Variants in NOBOX observed in about 807,000 individuals in gnomAD.
NOBOX encodes the protein homeobox protein NOBOX.
A neutral mutation model predicts 60.2 loss-of-function variants in NOBOX; 46 were observed. The observed-to-expected ratio is 0.76, with a 90% CI of 0.60 to 0.98. The LOEUF (loss-of-function observed/expected upper bound fraction) is 0.98. Among genes scored for constraint, NOBOX ranks in the 50% least tolerant of loss-of-function variants. NOBOX has a pLI of 0.00. For missense variants in NOBOX, 880 were observed against 865.5 expected (o/e 1.02, Z -0.21); for synonymous variants, 360 against 346.3 (o/e 1.04, Z -0.44).
chr7:144,399,227 C>A (rs754257755), intron 7 of NOBOX, 49 bp from the exon 6 acceptor site: 1 of 1,028,144 alleles, frequency 9.7e-7, no homozygotes, highest in Non-Finnish European at 1.5e-6. Flanking sequence ...AAATGGGAGG[C>A]AGGTTTGGCA....
In NOBOX at chr7:144,399,773, C is replaced by CAGGGCCA; in HGVS notation, c.1131_1137dup (p.Ala380TrpfsTer12). On this transcript the variant is annotated frameshift_variant, in exon 6 of 10. Transcript: ENST00000467773. LOFTEE classifies it high-confidence loss of function. ...AATTCTGACCTGCATTGACTGCTGG[C>CAGGGCCA]AGGGCCAGGGGCTGCAGGATTGTCC... 6.2e-7 allele frequency: 1 copy of CAGGGCCA among 1,611,918 alleles called. No individual in the cohort carries two copies. The highest frequency in any genetic ancestry group is 1.3e-5 in the African/African-American group (1 of 75,044).
chr7:144,402,338 T>C (rs2053947581), intron 2 of NOBOX, among the ~76,000 whole-genome samples: 1 of 152,154 alleles, frequency 6.6e-6, no homozygotes, highest in Non-Finnish European at 1.5e-5. Flanking sequence ...CCTTCCTTTC[T>C]GTGAGCTGAC....
rs375181430 is a variant in NOBOX at position 144,404,552 on chromosome 7, G to C, written c.210+4C>G. On this transcript the variant is annotated splice_donor_region_variant and intron_variant, in intron 2 of 9. Coordinates refer to ENST00000467773, the MANE Select transcript of NOBOX (RefSeq NM_001080413.3). The stretch of plus-strand genomic sequence containing the variant: ...GCGTGAGCCACAGCGCTCGCCCCCC[G>C]TACTGATTTGAGGGTCTCCAGAGCA... 4 of 1,612,060 alleles carry C rather than the reference G, an allele frequency of 2.5e-6. No individual in the cohort carries two copies. The African/African-American group carries it at 4.0e-5, about 16-fold the overall frequency.
chr7:144,408,490 T>G (rs1309622431), intron 1 of NOBOX, among the ~76,000 whole-genome samples: 1 of 152,246 alleles, frequency 6.6e-6, no homozygotes, highest in Non-Finnish European at 1.5e-5. Context: ...CCCGGTGCTT[T>G]CTTCTTGCTT....
In NOBOX at chr7:144,398,454, C is replaced by G. The variant is rs2053909610; in HGVS notation, c.1602G>C (p.Lys534Asn). The G allele has an allele frequency of 1.3e-6, 2 of 1,537,228 alleles. No individual in the cohort carries two copies. The highest frequency in any genetic ancestry group is 1.7e-6 in the Non-Finnish European group (2 of 1,146,926). The change falls in exon 9 of 10, where the codon AAG (lysine) becomes AAC (asparagine). Residue 534 changes from lysine (K) to asparagine (N), a missense_variant. Lys to Asn is a moderately conservative substitution (Grantham distance 94, BLOSUM62 0). Coordinates refer to ENST00000467773, the MANE Select transcript of NOBOX (RefSeq NM_001080413.3). ...AGGGGAAAGTGGGGAGGTAGGGCAA[C>G]TTGGGCTGAGGGGACTGGAAAAGCG...
chr7:144,398,937 G>A lies in NOBOX; in HGVS notation c.1469+13C>T, dbSNP rs376169208. 218 of 1,468,496 alleles carry A rather than the reference G, an allele frequency of 1.5e-4. No individual in the cohort carries two copies. Among genetic ancestry groups the A allele is most frequent in the Non-Finnish European group, 1.7e-4 (184 of 1,070,668 alleles). 91.0% of individuals were successfully genotyped at this position (1,468,496 alleles called of 1,614,324 possible). A position where few individuals can be genotyped will look rare whatever the true frequency, so the allele number is the denominator to read the frequency against. On this transcript the variant is annotated intron_variant, in intron 8 of 9. Transcript: ENST00000467773. ...CAGATAACTAGAGTGACCTACCCCCGTAGGTTCCTTACCTTGTCCCCCAGG... is the reference window on the plus strand; with the variant it reads ...CAGATAACTAGAGTGACCTACCCCCATAGGTTCCTTACCTTGTCCCCCAGG...
chr7:144,407,112 T>C (rs573047531), intron 1 of NOBOX, among the ~76,000 whole-genome samples: 2 of 151,602 alleles, frequency 1.3e-5, no homozygotes, highest in African/African-American at 2.4e-5. Context: ...CTCACAGATA[T>C]GAGAATGCCA....
chr7:144,403,704 C>G lies in NOBOX; in HGVS notation c.210+852G>C, dbSNP rs1329858776. ...CTCTGTGGGTTCCATGGCCTGGACT[C>G]CCGCCGCCGCGGCCGGCCCGTGATG... On this transcript the variant is annotated intron_variant, in intron 2 of 9. Transcript: ENST00000467773. 2.9e-6 allele frequency: 2 copies of G among 700,610 alleles called. No individual in the cohort carries two copies. The highest frequency in any genetic ancestry group is 3.0e-5 in the South Asian group (2 of 67,558). 43.4% of individuals were successfully genotyped at this position (700,610 alleles called of 1,614,324 possible).
rs1314134274 is a variant in NOBOX, at chr7:144,406,689, A to C, written c.86-2009T>G. On this transcript the variant is annotated intron_variant, in intron 1 of 9. Coordinates refer to ENST00000467773, the MANE Select transcript of NOBOX (RefSeq NM_001080413.3). ...ATTGGCTGCAAGTGAATTTTATCTA[A>C]GATGTACATTGCATGGGAAAATGTC... Among the ~76,000 whole-genome samples the C allele has an allele frequency of 2.6e-5, 4 of 152,214 alleles. 1 individual carries two copies. In the East Asian group the frequency reaches 7.7e-4, roughly 29 times the overall value.
At position 144,401,285 on chromosome 7, in the gene NOBOX, G is replaced by T; in HGVS notation, c.605C>A (p.Ala202Asp). ...ATTAGGCTTTTTCTGCTTCCCGGGG[G>T]CTGGAGAATAGGACCTCTTTCCTAT... The change falls in exon 4 of 10, where the codon GCC (alanine) becomes GAC (aspartate). Residue 202 changes from alanine (A) to aspartate (D), a missense_variant. Ala to Asp is a moderately radical substitution (Grantham distance 126, BLOSUM62 -2). Transcript: ENST00000467773. This position sits in a 1 kb window ranked among gnomAD's most constrained non-coding sequence, Gnocchi z 4.2. The T allele has an allele frequency of 1.9e-6, 3 of 1,613,512 alleles. No individual in the cohort carries two copies. Among genetic ancestry groups the T allele is most frequent in the Non-Finnish European group, 1.7e-6 (2 of 1,179,688 alleles).
rs1587092700 is a variant in NOBOX, at chr7:144,401,702, T to C, written c.293-105A>G. ...TTGCAAACGGTTTGATCTTAAGCTT[T>C]AATTTGTCTACCTATCAAATGGGGT... On this transcript the variant is annotated intron_variant, in intron 3 of 9. Coordinates refer to ENST00000467773, the MANE Select transcript of NOBOX (RefSeq NM_001080413.3). The surrounding 1 kb of genome is among the most constrained non-coding windows in gnomAD (Gnocchi z 4.2). 8.4e-7 allele frequency: 1 copy of C among 1,192,560 alleles called. No homozygotes were observed. Among genetic ancestry groups the C allele is most frequent in the East Asian group, 2.4e-5 (1 of 41,458 alleles). The allele number at this position is 1,192,560 out of a possible 1,614,324, so 73.9% of individuals were successfully genotyped here. A position where few individuals can be genotyped will look rare whatever the true frequency, so the allele number is the denominator to read the frequency against.
intron 1 of NOBOX, among the ~76,000 whole-genome samples, chr7:144,409,609 C>T (rs1397929203): frequency 6.6e-6 from 1 of 152,202 alleles, no homozygotes; most frequent in Non-Finnish European, 1.5e-5. Context: ...TATTTTTCAA[C>T]TGTTGGAGCA....
intron 2 of NOBOX, among the ~76,000 whole-genome samples, chr7:144,403,971 A>G (rs1194392203): frequency 6.6e-6 from 1 of 151,814 alleles, no homozygotes; most frequent in Non-Finnish European, 1.5e-5. Context: ...GGTCTCCTTC[A>G]GGCGGCCCCT....
chr7:144,402,972 G>A (rs1475537459), intron 2 of NOBOX, among the ~76,000 whole-genome samples: 2 of 152,076 alleles, frequency 1.3e-5, no homozygotes, highest in African/African-American at 4.8e-5. Context: ...GGCCAGGCTG[G>A]TCTCCAACTC....
In NOBOX at chr7:144,401,568, C is replaced by T. The variant is rs568848981; in HGVS notation, c.322G>A (p.Ala108Thr). 2.0e-6 allele frequency: 3 copies of T among 1,509,190 alleles called. No individual in the cohort carries two copies. The highest frequency in any genetic ancestry group is 2.3e-5 in the East Asian group (1 of 44,082). The allele number at this position is 1,509,190 out of a possible 1,614,324, so 93.5% of individuals were successfully genotyped here. The change falls in exon 4 of 10, where the codon GCA becomes ACA. Residue 108 changes from alanine (A) to threonine (T), a missense_variant. By Grantham distance (58) the Ala-to-Thr change is moderately conservative. Coordinates refer to ENST00000467773, the MANE Select transcript of NOBOX (RefSeq NM_001080413.3). The surrounding 1 kb of genome is among the most constrained non-coding windows in gnomAD (Gnocchi z 4.2). ...AGCAGTTCCTCCTCCCCGGGTCCTGCAGCCAGGGGCTTCTCTCCAGCTTTC... is the reference window on the plus strand; with the variant it reads ...AGCAGTTCCTCCTCCCCGGGTCCTGTAGCCAGGGGCTTCTCTCCAGCTTTC...
chr7:144,406,684 A>T (rs2053987884), intron 1 of NOBOX, among the ~76,000 whole-genome samples: 2 of 152,206 alleles, frequency 1.3e-5, no homozygotes, highest in Admixed American at 1.3e-4. Context: ...AGTGAATTTT[A>T]TCTAAGATGT....
chr7:144,401,874 G>A lies in NOBOX; in HGVS notation c.287C>T (p.Thr96Ile), dbSNP rs532564579. ...CCTAATTTGGGGGTACTCACCCCTT[G>A]TGAGTTCCCTTTTCCCAGACACCAG... is the stretch of plus-strand genomic sequence containing the variant. Residue 96 changes from threonine (T) to isoleucine (I), a missense_variant, in exon 3 of 10, where the codon ACA becomes ATA. Transcript: ENST00000467773. The surrounding 1 kb of genome is among the most constrained non-coding windows in gnomAD (Gnocchi z 4.2). The A allele has an allele frequency of 5.6e-6, 9 of 1,603,030 alleles. No homozygotes were observed. The South Asian group carries it at 9.9e-5, about 18-fold the overall frequency.
chr7:144,399,580 C>T, intron 6 of NOBOX, 98 bp from the exon 5 acceptor site: 1 of 1,203,700 alleles, frequency 8.3e-7, no homozygotes, highest in Non-Finnish European at 1.2e-6. Flanking sequence ...AACTCTGCCT[C>T]CTACAGGGCA....
Position 144,404,601 on chromosome 7 carries a change from G to C in NOBOX, c.165C>G (p.Phe55Leu), listed in dbSNP as rs753974459. ...CACAAAGGCTGCACCGGATGATGAAGAAGGAGCTGAAAGAGCCACAGACTC... is the reference window on the plus strand; with the variant it reads ...CACAAAGGCTGCACCGGATGATGAACAAGGAGCTGAAAGAGCCACAGACTC... Residue 55 changes from phenylalanine (F) to leucine (L), a missense_variant, in exon 2 of 10, where the codon TTC becomes TTG. By Grantham distance (22) the Phe-to-Leu change is conservative (BLOSUM62 0). Coordinates refer to ENST00000467773, the MANE Select transcript of NOBOX (RefSeq NM_001080413.3). 1 of 1,613,842 alleles carries C rather than the reference G, an allele frequency of 6.2e-7. No individual in the cohort carries two copies. The highest frequency in any genetic ancestry group is 8.5e-7 in the Non-Finnish European group (1 of 1,179,876).
Sources: gnomAD v4.1 joint callset for allele counts (sites outside exome capture counted in the v4.1 genomes callset) on GRCh38, gnomAD v4.1.1 for gene constraint, Gnocchi (gnomAD v3.1) non-coding constraint, MANE v1.5 for transcripts, NCBI Gene and HGNC (gene_info 2026-07-23, HGNC 2026-07-21) for gene names.